CACNA1D: variants seen among roughly 807,000 people sequenced by gnomAD.
CACNA1D encodes the protein calcium voltage-gated channel subunit alpha1 D, also known as voltage-dependent L-type calcium channel subunit alpha-1D.
A neutral mutation model predicts 257.1 loss-of-function variants in CACNA1D; 55 were observed. That is an observed-to-expected ratio of 0.21 (90% confidence interval 0.17 to 0.27). The LOEUF (loss-of-function observed/expected upper bound fraction) is 0.27. Ranked by LOEUF, CACNA1D falls within the 10% of genes least tolerant of loss-of-function variation. The probability of loss-of-function intolerance (pLI) is 1.00; values close to 1 mark genes in which losing one functional copy is unlikely to be tolerated. For synonymous variants in CACNA1D, 980 were observed against 1,014.9 expected, an observed-to-expected ratio of 0.97 and a Z score of 0.65; for missense variants, 1,876 against 2,784.0, an observed-to-expected ratio of 0.67 and a Z score of 7.34.
At chr3:53,635,058 G>C (rs2093866363) in intron 3 of CACNA1D, among the ~76,000 whole-genome samples, 1 of 152,208 alleles carries the variant, frequency 6.6e-6, no homozygotes, top group African/African-American at 2.4e-5. Flanking sequence ...ACCCTGTTCA[G>C]GTGCCAGAGG....
Position 53,770,012 on chromosome 3 carries a change from C to T in CACNA1D, c.3910C>T (p.Pro1304Ser), listed in dbSNP as rs1205535399. The change falls in exon 31 of 48, where the codon CCT (proline) becomes TCT (serine). Residue 1304 changes from proline to serine, a missense_variant. This residue lies in a region of CACNA1D where 204 missense variants were observed against 309.4 expected (regional missense o/e 0.66). Coordinates refer to ENST00000350061, the MANE Select transcript of CACNA1D (RefSeq NM_001128840.3). ...AAATGTCCCTGTCCCAACTGCTACA[C>T]CTGGGGTAAGATCAGTGACTAGTCC... is the stretch of plus-strand genomic sequence containing the variant. ...SENVPVPTAT[P>S]GNSEESNRIS... 4 of 1,612,630 alleles carry T rather than the reference C, an allele frequency of 2.5e-6. No homozygotes were observed. The highest frequency in any genetic ancestry group is 2.7e-5 in the African/African-American group (2 of 74,916).
chr3:53,517,288 AT>A (rs1419128622), intron 3 of CACNA1D, among the ~76,000 whole-genome samples: 2 of 151,990 alleles, frequency 1.3e-5, no homozygotes, highest in African/African-American at 4.8e-5. Flanking sequence ...CCAGTGCCAC[AT>A]CTGGGACCTA....
intron 3 of CACNA1D, among the ~76,000 whole-genome samples, chr3:53,518,988 G>GAATTCCTTC (rs1469367347): frequency 1.3e-5 from 2 of 152,168 alleles, no homozygotes; most frequent in Admixed American, 1.3e-4. Context: ...CTTGTGCCAA[G>GAATTCCTTC]AATTCCTTCA....
chr3:53,543,412 T>A (rs2092346882), intron 3 of CACNA1D, among the ~76,000 whole-genome samples: 1 of 152,210 alleles, frequency 6.6e-6, no homozygotes, highest in South Asian at 2.1e-4. Context: ...TTAGTATTTG[T>A]TGTTCTCCAA....
At position 53,672,806 on chromosome 3, in the gene CACNA1D, GTGTGTGTGTGTGTA is replaced by G. The variant is rs1177213531; in HGVS notation, c.1117-214_1117-201del. 1.4e-4 allele frequency among the ~76,000 whole-genome samples: 20 copies of G among 142,160 alleles called. 1 individual carries two copies. The highest frequency in any genetic ancestry group is 4.0e-4 in the African/African-American group (15 of 37,636). 93.3% of individuals were successfully genotyped at this position (142,160 alleles called of 152,430 possible). On this transcript the variant is annotated intron_variant, in intron 7 of 47. Transcript: ENST00000350061. ...TGTGTGTGTGTGTGTGTGTGTGTGT[GTGTGTGTGTGTGTA>G]TGGATGCTTGTGTGTGTGTATGGGG... is the stretch of plus-strand genomic sequence containing the variant.
At chr3:53,550,338 T>C (rs193040507) in intron 3 of CACNA1D, among the ~76,000 whole-genome samples, 2 of 152,118 alleles carry the variant, frequency 1.3e-5, no homozygotes, top group East Asian at 3.9e-4. Flanking sequence ...CCAAGCAGGG[T>C]TCAACAGCAC....
At chr3:53,765,242 G>C (rs2095325891) in intron 30 of CACNA1D, among the ~76,000 whole-genome samples, 1 of 152,206 alleles carries the variant, frequency 6.6e-6, no homozygotes, top group African/African-American at 2.4e-5. Context: ...CTGGGGAGCA[G>C]TGCACATCAC....
intron 3 of CACNA1D, among the ~76,000 whole-genome samples, chr3:53,633,458 A>T (rs1211763889): frequency 6.6e-6 from 1 of 152,084 alleles, no homozygotes; most frequent in African/African-American, 2.4e-5. Flanking sequence ...CTTAAAAAAC[A>T]AAAACAAAAA....
chr3:53,591,415 G>A (rs749672949), intron 3 of CACNA1D, among the ~76,000 whole-genome samples: 9 of 151,980 alleles, frequency 5.9e-5, no homozygotes, highest in African/African-American at 9.7e-5. Context: ...ACCACGCCCC[G>A]CTAATTTTTT....
At chr3:53,636,599 C>T (rs1160657165) in intron 3 of CACNA1D, among the ~76,000 whole-genome samples, 1 of 152,188 alleles carries the variant, frequency 6.6e-6, no homozygotes, top group Non-Finnish European at 1.5e-5. Context: ...TTAGCCACTG[C>T]GCCTGGCCGA....
intron 3 of CACNA1D, among the ~76,000 whole-genome samples, chr3:53,615,112 A>G (rs1401539932): frequency 2.0e-5 from 3 of 152,200 alleles, no homozygotes; most frequent in African/African-American, 7.2e-5. Context: ...CCAGACCATC[A>G]TTGACATCCG....
At chr3:53,643,657 G>C (rs1204281943) in intron 3 of CACNA1D, among the ~76,000 whole-genome samples, 2 of 150,896 alleles carry the variant, frequency 1.3e-5, no homozygotes, top group Non-Finnish European at 2.9e-5. Context: ...AACTGGAAGA[G>C]ATCATCTGAT....
At chr3:53,565,022 A>AT (rs1335588021) in intron 3 of CACNA1D, among the ~76,000 whole-genome samples, 1 of 152,000 alleles carries the variant, frequency 6.6e-6, no homozygotes, top group Non-Finnish European at 1.5e-5. Flanking sequence ...GCCCAGTTTA[A>AT]TTTTTTTCCA....
At chr3:53,496,671 G>A (rs947840866) in intron 1 of CACNA1D, among the ~76,000 whole-genome samples, 1 of 152,218 alleles carries the variant, frequency 6.6e-6, no homozygotes, top group Middle Eastern at 3.4e-3. Flanking sequence ...AAAGATGTTG[G>A]AGTAACACTC....
At chr3:53,658,683 G>A (rs952139655) in intron 4 of CACNA1D, among the ~76,000 whole-genome samples, 1 of 152,156 alleles carries the variant, frequency 6.6e-6, no homozygotes, top group African/African-American at 2.4e-5. Context: ...TTGTTTTGGA[G>A]GAGAGACTTT....
chr3:53,662,047 G>C (rs73840172), intron 5 of CACNA1D, among the ~76,000 whole-genome samples: 2 of 152,154 alleles, frequency 1.3e-5, no homozygotes, highest in Non-Finnish European at 2.9e-5. Flanking sequence ...TGTTTCTAGT[G>C]CTGGTTGGCA....
chr3:53,735,425 C>A lies in CACNA1D; in HGVS notation c.2673C>A (p.Leu891=), dbSNP rs1244419902. The part of the protein sequence containing the change: ...KLINHHIFTN[L]ILVFIMLSSA... Reference sequence around the variant, plus strand: ...TCAACCACCACATCTTCACCAACCTCATCCTTGTCTTCATCATGCTGAGCA... The same window carrying A: ...TCAACCACCACATCTTCACCAACCTAATCCTTGTCTTCATCATGCTGAGCA... The change falls in exon 20 of 48, where the codon CTC becomes CTA. Residue 891 remains leucine (L), a synonymous_variant. Coordinates refer to ENST00000350061, the MANE Select transcript of CACNA1D (RefSeq NM_001128840.3). 2 of 1,613,982 alleles carry A rather than the reference C, an allele frequency of 1.2e-6. No individual in the cohort carries two copies. Among genetic ancestry groups the A allele is most frequent in the Non-Finnish European group, 8.5e-7 (1 of 1,179,910 alleles).
chr3:53,553,445 G>A (rs942702068), intron 3 of CACNA1D, among the ~76,000 whole-genome samples: 6 of 152,196 alleles, frequency 3.9e-5, no homozygotes, highest in Non-Finnish European at 8.8e-5. Context: ...ATTCATCAAA[G>A]GCATTTGCTG....
chr3:53,764,977 C>T (rs2095324384), intron 30 of CACNA1D, among the ~76,000 whole-genome samples: 1 of 152,230 alleles, frequency 6.6e-6, no homozygotes, highest in Admixed American at 6.5e-5. Context: ...TACCCCAGGC[C>T]AGCAGAACAC....
Sources: allele counts gnomAD v4.1 joint callset (sites outside exome capture counted in the v4.1 genomes callset), GRCh38; gene constraint gnomAD v4.1.1; regional missense constraint gnomAD v4.1.1; transcripts MANE v1.5; gene names NCBI Gene and HGNC (gene_info 2026-07-23, HGNC 2026-07-21).